Variants in MOSPD2 observed in about 807,000 individuals in gnomAD.
MOSPD2 encodes motile sperm domain containing 2, also known as motile sperm domain-containing protein 2.
In MOSPD2, 5 loss-of-function variants were observed where a neutral mutation model predicts 41.7. The ratio of observed to expected loss-of-function variants is 0.12; its 90% CI spans 0.06 to 0.25. The LOEUF is 0.25. Among genes scored for constraint, MOSPD2 ranks in the 10% least tolerant of loss-of-function variants. MOSPD2 has a pLI of 1.00. For synonymous variants in MOSPD2, 115 were observed against 126.9 expected (o/e 0.91, Z 0.63); for missense variants, 282 against 375.2 (o/e 0.75, Z 2.05).
intron 2 of MOSPD2, among the ~76,000 whole-genome samples, chrX:14,877,771 A>AGACCATC (rs1478819094): frequency 2.8e-5 from 3 of 107,263 alleles, no homozygotes; most frequent in Non-Finnish European, 5.8e-5. Flanking sequence ...CAGGAGATCA[A>AGACCATC]GACCATCCTG....
intron 7 of MOSPD2, among the ~76,000 whole-genome samples, chrX:14,907,623 C>T (rs1022714833): frequency 4.5e-5 from 5 of 112,219 alleles, no homozygotes; most frequent in Admixed American, 9.5e-5. Context: ...TGTATGGTTT[C>T]ATTTATATAA....
At chrX:14,918,879 A>G (rs1050026860) in intron 14 of MOSPD2, 97 bp downstream of exon 14, 11 of 544,428 alleles carry the variant, frequency 2.0e-5, no homozygotes, top group Non-Finnish European at 3.1e-5. Flanking sequence ...AACATTTGGC[A>G]TAGACACGAT....
intron 8 of MOSPD2, 121 bp downstream of exon 8, chrX:14,909,105 C>A: frequency 3.8e-6 from 2 of 525,332 alleles, no homozygotes; most frequent in Non-Finnish European, 2.7e-6. Flanking sequence ...ACAGATACCC[C>A]CAAAATAGCA....
chrX:14,873,790 T>G (rs940378264), intron 2 of MOSPD2, 32 bp downstream of exon 2: 1 of 1,130,517 alleles, frequency 8.8e-7, no homozygotes, highest in African/African-American at 1.8e-5. Context: ...TTAAGAAAGG[T>G]GTGCAGTGAG....
At chrX:14,878,526 A>G (rs1261912583) in intron 2 of MOSPD2, among the ~76,000 whole-genome samples, 1 of 111,589 alleles carries the variant, frequency 9.0e-6, no homozygotes, top group Non-Finnish European at 1.9e-5. Flanking sequence ...TTTCTTGTTT[A>G]TGTCACTTTC....
intron 6 of MOSPD2, among the ~76,000 whole-genome samples, chrX:14,901,688 T>C (rs1005572316): frequency 1.8e-5 from 2 of 110,501 alleles, no homozygotes; most frequent in Admixed American, 9.7e-5. Flanking sequence ...ATCTGGCATG[T>C]ACCCTGATTC....
Position 14,895,228 on chromosome X carries a change from C to T in MOSPD2, c.236-80C>T, listed in dbSNP as rs2092560964. ...TCATTTTTAAAGCTCAGAACTACTA[C>T]ATAACATTATCTTTACATTATGAGT... On this transcript the variant is annotated intron_variant, in intron 3 of 14. Transcript: ENST00000380492. The T allele has an allele frequency of 2.6e-5, 15 of 579,957 alleles. No individual in the cohort carries two copies. The South Asian group carries it at 3.7e-4, about 14-fold the overall frequency. 47.8% of individuals were successfully genotyped at this position (579,957 alleles called of 1,213,427 possible).
intron 12 of MOSPD2, 138 bp from the exon 13 acceptor site, chrX:14,916,059 C>A: frequency 9.8e-7 from 1 of 1,019,987 alleles, no homozygotes; most frequent in South Asian, 2.2e-5. Flanking sequence ...ACTTTTAGAA[C>A]TTTTTCCTTT....
At chrX:14,896,428 G>C (rs1314368383) in intron 4 of MOSPD2, among the ~76,000 whole-genome samples, 1 of 111,651 alleles carries the variant, frequency 9.0e-6, no homozygotes, top group Non-Finnish European at 1.9e-5. Context: ...CCTCAATTCA[G>C]TTTCTAACTA....
chrX:14,874,825 A>G (rs1337425740), intron 2 of MOSPD2, among the ~76,000 whole-genome samples: 1 of 111,987 alleles, frequency 8.9e-6, no homozygotes, highest in Non-Finnish European at 1.9e-5. Context: ...TCACACCCCA[A>G]ACTTTGTTCC....
At chrX:14,917,435 C>G (rs963172449) in intron 13 of MOSPD2, among the ~76,000 whole-genome samples, 12 of 111,563 alleles carry the variant, frequency 1.1e-4, no homozygotes, top group African/African-American at 3.9e-4. Context: ...CAGATCATCC[C>G]TATGGTGAGG....
Position 14,917,269 on chromosome X carries a change from G to A in MOSPD2, c.1316+943G>A, listed in dbSNP as rs772256258. The stretch of plus-strand genomic sequence containing the variant: ...GGCCCTGAAGGAAATGAGAGAGCAA[G>A]CCACATAGATAACTGGACAGAGACC... On this transcript the variant is annotated intron_variant, in intron 13 of 14. Coordinates refer to ENST00000380492, the MANE Select transcript of MOSPD2 (RefSeq NM_152581.4). 3.6e-5 allele frequency among the ~76,000 whole-genome samples: 4 copies of A among 112,266 alleles called. No individual in the cohort carries two copies. In the South Asian group the frequency reaches 1.5e-3, roughly 41 times the overall value.
chrX:14,892,790 T>C lies in MOSPD2; in HGVS notation c.147T>C (p.Ser49=), dbSNP rs2092556397. 1 of 1,201,227 alleles carries C rather than the reference T, an allele frequency of 8.3e-7. No individual in the cohort carries two copies. Among genetic ancestry groups the C allele is most frequent in the Non-Finnish European group, 1.1e-6 (1 of 885,902 alleles). ...AACAAGATGATAACTGGGTTGAAAG[T>C]TACTTATCTTGGAGACATAATATTG... The part of the protein sequence containing the change: ...RLQQDDNWVE[S]YLSWRHNIVD... The change falls in exon 3 of 15, where the codon AGT becomes AGC. Residue 49 remains serine, a synonymous_variant. Transcript: ENST00000380492.
Position 14,892,876 on chromosome X carries a change from A to G in MOSPD2, c.233A>G (p.Asn78Ser). Reference protein sequence around the residue: ...SFQWRKEISVNDLNESSIPRW... With the variant: ...SFQWRKEISVSDLNESSIPRW... ...CAGTGGAGGAAAGAAATTTCTGTCA[A>G]TGGTAAGCTGTTCAATTTAACCTTG... is the stretch of plus-strand genomic sequence containing the variant. Residue 78 changes from asparagine (N) to serine (S), a missense_variant and splice_region_variant, in exon 3 of 15, where the codon AAT becomes AGT. By Grantham distance (46) the Asn-to-Ser change is conservative (BLOSUM62 1). Transcript: ENST00000380492. The G allele has an allele frequency of 8.4e-7, 1 of 1,196,981 alleles. No individual in the cohort carries two copies. Among genetic ancestry groups the G allele is most frequent in the Non-Finnish European group, 1.1e-6 (1 of 883,406 alleles).
intron 2 of MOSPD2, chrX:14,885,488 A>C (rs1233468285): frequency 8.9e-6 from 1 of 112,208 alleles, no homozygotes; most frequent in Non-Finnish European, 1.9e-5. Context: ...ACCTACAGCA[A>C]ATGTGATGTT....
chrX:14,895,551 A>C (rs998589580), intron 4 of MOSPD2, among the ~76,000 whole-genome samples, 157 bp downstream of exon 4: 1 of 111,955 alleles, frequency 8.9e-6, no homozygotes, highest in Non-Finnish European at 1.9e-5. Context: ...AGAGTGTTAG[A>C]TACTTAGTAG....
At chrX:14,877,733 G>A (rs1321699792) in intron 2 of MOSPD2, among the ~76,000 whole-genome samples, 1 of 106,961 alleles carries the variant, frequency 9.3e-6, no homozygotes, top group Non-Finnish European at 1.9e-5. Context: ...CAGAACTTTG[G>A]GAGGCCGAGG....
chrX:14,890,142 G>A (rs1180157149), intron 2 of MOSPD2, among the ~76,000 whole-genome samples: 1 of 110,353 alleles, frequency 9.1e-6, no homozygotes, highest in Non-Finnish European at 1.9e-5. Flanking sequence ...TGGCTGCTTC[G>A]CCCAAATCAA....
chrX:14,908,794 T>C, intron 7 of MOSPD2, 66 bp from the exon 8 acceptor site: 1 of 1,052,499 alleles, frequency 9.5e-7, no homozygotes, highest in Middle Eastern at 2.8e-4. Flanking sequence ...TGGGTTAGCA[T>C]TTATGGTAAA....
Sources: gnomAD v4.1 joint callset for allele counts (sites outside exome capture counted in the v4.1 genomes callset) on GRCh38, gnomAD v4.1.1 for gene constraint, MANE v1.5 for transcripts, NCBI Gene and HGNC (gene_info 2026-07-23, HGNC 2026-07-21) for gene names.